Variants in IL34 observed in about 807,000 individuals in gnomAD.
IL34 encodes the protein interleukin-34.
Under a neutral mutation model 25.3 loss-of-function variants are expected in IL34, and 17 were observed. The observed-to-expected ratio is 0.67, with a 90% CI of 0.46 to 1.01. IL34 has a LOEUF of 1.01. Ranked by LOEUF, IL34 falls within the 50% of genes least tolerant of loss-of-function variation. The pLI, the probability that IL34 is intolerant of heterozygous loss-of-function variation, is 0.00. For synonymous variants in IL34, 174 were observed against 140.9 expected, an observed-to-expected ratio of 1.23 and a Z score of -1.66; for missense variants, 368 against 312.9, an observed-to-expected ratio of 1.18 and a Z score of -1.33.
intron 4 of IL34, among the ~76,000 whole-genome samples, chr16:70,657,849 A>G (rs77764977): frequency 0.026 from 3,999 of 152,310 alleles, 81 homozygotes; most frequent in Non-Finnish European, 0.041. Flanking sequence ...ATTTGTCACA[A>G]CCCACAGAAC....
chr16:70,647,743 G>C (rs2151871853), intron 1 of IL34, among the ~76,000 whole-genome samples: 2 of 152,310 alleles, frequency 1.3e-5, no homozygotes, highest in Middle Eastern at 6.8e-3. Context: ...GGAGGTTTGG[G>C]GTATGAGCCT....
At chr16:70,634,459 C>G (rs1309854350) in intron 1 of IL34, among the ~76,000 whole-genome samples, 1 of 151,986 alleles carries the variant, frequency 6.6e-6, no homozygotes, top group Admixed American at 6.6e-5. Context: ...GCAGGCTGAT[C>G]ACCTGAGGTC....
Position 70,657,026 on chromosome 16 carries a change from G to C in IL34, c.307G>C (p.Glu103Gln). 8.7e-6 allele frequency: 14 copies of C among 1,612,678 alleles called. No individual in the cohort carries two copies. The highest frequency in any genetic ancestry group is 1.2e-5 in the Non-Finnish European group (14 of 1,180,006). ...LWVLVSLSAT[E>Q]SVQDVLLEGH... ...GGTCTTGGTGAGCCTCAGTGCCACT[G>C]AGTCGGTGCAGGACGTGCTGCTCGA... The change falls in exon 4 of 6, where the codon GAG becomes CAG. Residue 103 changes from glutamate (E) to glutamine (Q), a missense_variant. Glu to Gln is a conservative substitution (Grantham distance 29, BLOSUM62 2). Transcript: ENST00000288098.
At chr16:70,591,407 C>T (rs2050752216) in intron 1 of IL34, among the ~76,000 whole-genome samples, 2 of 151,878 alleles carry the variant, frequency 1.3e-5, no homozygotes, top group African/African-American at 4.8e-5. Context: ...GCAGTTTATC[C>T]AGAATGACCC....
At chr16:70,600,323 A>T (rs531339246) in intron 1 of IL34, among the ~76,000 whole-genome samples, 12 of 152,310 alleles carry the variant, frequency 7.9e-5, no homozygotes, top group African/African-American at 2.9e-4. Flanking sequence ...CACAGAGATT[A>T]GCCTTGAACT....
chr16:70,581,639 G>T (rs1025822610), intron 1 of IL34, among the ~76,000 whole-genome samples: 2 of 152,166 alleles, frequency 1.3e-5, no homozygotes, highest in African/African-American at 4.8e-5. Context: ...TTCTCAGGAA[G>T]GGGACAGAGA....
intron 1 of IL34, among the ~76,000 whole-genome samples, chr16:70,632,952 C>T (rs766457180): frequency 6.6e-6 from 1 of 151,496 alleles, no homozygotes. Flanking sequence ...AAAATTCTTA[C>T]TTAAAATGTG....
intron 1 of IL34, among the ~76,000 whole-genome samples, chr16:70,653,361 A>G (rs539063383): frequency 1.3e-4 from 20 of 151,572 alleles, no homozygotes; most frequent in African/African-American, 4.8e-4. Context: ...AAAAAAAAAA[A>G]AAGCCCCAAC....
chr16:70,602,994 G>A (rs1006984), intron 1 of IL34, among the ~76,000 whole-genome samples: 5 of 151,964 alleles, frequency 3.3e-5, no homozygotes, highest in African/African-American at 1.2e-4. Flanking sequence ...TCTGTGGCCC[G>A]CCAACCCCAG....
chr16:70,633,454 G>A (rs1280873866), intron 1 of IL34, among the ~76,000 whole-genome samples: 7 of 151,828 alleles, frequency 4.6e-5, no homozygotes, highest in African/African-American at 1.7e-4. Flanking sequence ...CTCTAGAGAC[G>A]TGGTCTCCCT....
At chr16:70,628,795 T>C (rs1469556560) in intron 1 of IL34, among the ~76,000 whole-genome samples, 1 of 150,868 alleles carries the variant, frequency 6.6e-6, no homozygotes, top group Non-Finnish European at 1.5e-5. Flanking sequence ...TCTTTTTTTT[T>C]TTTTTTTTTT....
chr16:70,580,209 G>A (rs982611209), intron 1 of IL34, among the ~76,000 whole-genome samples: 25 of 152,220 alleles, frequency 1.6e-4, no homozygotes, highest in African/African-American at 6.0e-4. Flanking sequence ...TCTGAAGTAT[G>A]CCTCAGAGAA....
At chr16:70,628,622 G>T (rs532310860) in intron 1 of IL34, among the ~76,000 whole-genome samples, 2 of 151,874 alleles carry the variant, frequency 1.3e-5, no homozygotes, top group Admixed American at 6.6e-5. Flanking sequence ...AAGCAGCTGG[G>T]ATTACAGGCA....
chr16:70,601,252 C>CCTTA (rs961369662), intron 1 of IL34, among the ~76,000 whole-genome samples: 3 of 152,106 alleles, frequency 2.0e-5, no homozygotes, highest in Non-Finnish European at 4.4e-5. Context: ...GAGACTGACT[C>CCTTA]TTTATTTATT....
intron 1 of IL34, among the ~76,000 whole-genome samples, chr16:70,583,313 A>G (rs1457966981): frequency 6.6e-6 from 1 of 151,858 alleles, no homozygotes; most frequent in African/African-American, 2.4e-5. Context: ...GGGCTTCTCC[A>G]TGTTGCCCAG....
chr16:70,584,746 G>T (rs1478523315), intron 1 of IL34, among the ~76,000 whole-genome samples: 1 of 151,612 alleles, frequency 6.6e-6, no homozygotes, highest in Non-Finnish European at 1.5e-5. Flanking sequence ...TGTCAGCGAA[G>T]CTAGAGTCCA....
At chr16:70,597,438 A>G (rs1326207636) in intron 1 of IL34, among the ~76,000 whole-genome samples, 2 of 151,898 alleles carry the variant, frequency 1.3e-5, no homozygotes, top group African/African-American at 2.4e-5. Context: ...CCAGGCTGTT[A>G]TCGAACTCCT....
chr16:70,618,148 T>C (rs543895214), intron 1 of IL34, among the ~76,000 whole-genome samples: 7 of 151,868 alleles, frequency 4.6e-5, no homozygotes, highest in Admixed American at 4.6e-4. Context: ...TGAGAGGTTC[T>C]AGGAGGCGGG....
intron 1 of IL34, among the ~76,000 whole-genome samples, chr16:70,594,767 A>C (rs2050796720): frequency 6.6e-6 from 1 of 152,084 alleles, no homozygotes; most frequent in Non-Finnish European, 1.5e-5. Flanking sequence ...TCAAGGCCAG[A>C]GGAAACAGGT....
Sources: gnomAD v4.1 joint callset for allele counts (sites outside exome capture counted in the v4.1 genomes callset) on GRCh38, gnomAD v4.1.1 for gene constraint, MANE v1.5 for transcripts, NCBI Gene and HGNC (gene_info 2026-07-23, HGNC 2026-07-21) for gene names.